TNKS: variants seen among roughly 807,000 people sequenced by gnomAD.
TNKS encodes tankyrase, also known as poly [ADP-ribose] polymerase tankyrase-1.
In TNKS, 72 loss-of-function variants were observed where a neutral mutation model predicts 135.8. The ratio of observed to expected loss-of-function variants is 0.53; its 90% CI spans 0.44 to 0.64. The LOEUF is 0.64. TNKS is among the 30% of genes least tolerant of loss of function. TNKS has a pLI of 0.00. For missense variants in TNKS, 1,769 were observed against 1,674.0 expected, an observed-to-expected ratio of 1.06 and a Z score of -0.99; for synonymous variants, 849 against 649.3, an observed-to-expected ratio of 1.31 and a Z score of -4.68.
intron 3 of TNKS, among the ~76,000 whole-genome samples, chr8:9,624,800 A>G (rs1799995888): frequency 6.6e-6 from 1 of 152,180 alleles, no homozygotes; most frequent in Admixed American, 6.5e-5. Flanking sequence ...CAGATGTTCA[A>G]ATCCCTTATA....
At position 9,731,036 on chromosome 8, in the gene TNKS, G is replaced by A; in HGVS notation, c.2147+1G>A. The A allele has an allele frequency of 6.2e-7, 1 of 1,603,914 alleles. No homozygotes were observed. Among genetic ancestry groups the A allele is most frequent in the Non-Finnish European group, 8.5e-7 (1 of 1,175,292 alleles). ...CCGATGTCCATGCCAAAGACAAGGG[G>A]TACGTGTTAGAAGTTAGCTGTTTGG... On this transcript the variant is annotated splice_donor_variant, in intron 14 of 26. Coordinates refer to ENST00000310430, the MANE Select transcript of TNKS (RefSeq NM_003747.3). LOFTEE classifies it high-confidence loss of function.
At chr8:9,728,063 A>C (rs1369285136) in intron 13 of TNKS, among the ~76,000 whole-genome samples, 1 of 152,220 alleles carries the variant, frequency 6.6e-6, no homozygotes, top group Non-Finnish European at 1.5e-5. Context: ...ATTAATACAT[A>C]CTTTATTTTT....
At chr8:9,696,887 T>G (rs1189795580) in intron 5 of TNKS, among the ~76,000 whole-genome samples, 1 of 152,316 alleles carries the variant, frequency 6.6e-6, no homozygotes, top group South Asian at 2.1e-4. Flanking sequence ...CAAAGCAGTT[T>G]ACAGGTTCAG....
chr8:9,574,208 G>A (rs1392793302), intron 1 of TNKS, among the ~76,000 whole-genome samples: 2 of 152,182 alleles, frequency 1.3e-5, no homozygotes, highest in Non-Finnish European at 2.9e-5. Flanking sequence ...GGGAAAGAAT[G>A]TGCTGAAATT....
intron 3 of TNKS, among the ~76,000 whole-genome samples, chr8:9,662,154 A>G (rs1240945145): frequency 6.6e-6 from 1 of 152,222 alleles, no homozygotes; most frequent in East Asian, 1.9e-4. Flanking sequence ...GTGGGACTGT[A>G]AACTAGTTCA....
At chr8:9,576,869 G>A (rs6988005) in intron 1 of TNKS, among the ~76,000 whole-genome samples, 152,225 of 152,252 alleles carry the variant, frequency 1, 76,099 homozygotes, top group Non-Finnish European at 1. Flanking sequence ...AATATGAAAT[G>A]CATAATATAC....
At chr8:9,744,680 G>C (rs1250906720) in intron 17 of TNKS, among the ~76,000 whole-genome samples, 1 of 152,174 alleles carries the variant, frequency 6.6e-6, no homozygotes, top group East Asian at 1.9e-4. Context: ...GAATAGAACT[G>C]AACTGCTATT....
intron 1 of TNKS, 84 bp from the exon 2 acceptor site, chr8:9,580,075 C>G (rs1798110201): frequency 3.4e-6 from 4 of 1,170,442 alleles, no homozygotes; most frequent in African/African-American, 3.0e-5. Context: ...GTTGTTCATA[C>G]TTGTTGATAT....
At chr8:9,683,160 G>A (rs1009705313) in intron 5 of TNKS, among the ~76,000 whole-genome samples, 2 of 151,936 alleles carry the variant, frequency 1.3e-5, no homozygotes, top group Admixed American at 6.6e-5. Flanking sequence ...CTTATTAAAT[G>A]TACCAGTTGC....
At chr8:9,606,490 T>A (rs544150415) in intron 2 of TNKS, among the ~76,000 whole-genome samples, 64 of 152,250 alleles carry the variant, frequency 4.2e-4, no homozygotes, top group African/African-American at 1.4e-3. Context: ...AATCTTGAAA[T>A]TAGGTAGTGT....
In TNKS at chr8:9,572,051, G is replaced by A. The variant is rs189548117; in HGVS notation, c.674-8108G>A. On this transcript the variant is annotated intron_variant, in intron 1 of 26. Coordinates refer to ENST00000310430, the MANE Select transcript of TNKS (RefSeq NM_003747.3). ...TAGGGTGATTATTAGTCAGTGTTAAGTCTTGAGACAGGATAGATTTGTACT... is the reference window on the plus strand; with the variant it reads ...TAGGGTGATTATTAGTCAGTGTTAAATCTTGAGACAGGATAGATTTGTACT... Among the ~76,000 whole-genome samples, 282 of 152,250 alleles carry A rather than the reference G, an allele frequency of 1.9e-3. 1 individual carries two copies. The highest frequency in any genetic ancestry group is 1.4e-3 in the Non-Finnish European group (98 of 68,018).
intron 2 of TNKS, among the ~76,000 whole-genome samples, chr8:9,607,571 A>G (rs894125998): frequency 6.6e-6 from 1 of 152,224 alleles, no homozygotes; most frequent in African/African-American, 2.4e-5. Context: ...CTTGCAAAGC[A>G]TCTTTGCCTA....
chr8:9,594,095 CG>C (rs1798685443), intron 2 of TNKS, among the ~76,000 whole-genome samples: 2 of 152,074 alleles, frequency 1.3e-5, no homozygotes, highest in South Asian at 2.1e-4. Context: ...CCATTTTGGC[CG>C]GGCTGGTCTC....
intron 6 of TNKS, among the ~76,000 whole-genome samples, chr8:9,705,871 C>A (rs1804016385): frequency 6.6e-6 from 1 of 152,150 alleles, no homozygotes; most frequent in Admixed American, 6.5e-5. Context: ...AGTTCACTAC[C>A]AATTAACATT....
intron 1 of TNKS, among the ~76,000 whole-genome samples, chr8:9,578,997 A>G (rs1034599597): frequency 3.9e-5 from 6 of 152,154 alleles, no homozygotes; most frequent in Non-Finnish European, 8.8e-5. Flanking sequence ...TCCTCATGGT[A>G]CTGGACTTTG....
chr8:9,589,895 C>T (rs1039801857), intron 2 of TNKS, among the ~76,000 whole-genome samples: 4 of 152,230 alleles, frequency 2.6e-5, no homozygotes, highest in African/African-American at 9.6e-5. Flanking sequence ...TCCACAAACT[C>T]TTCTGAATTA....
At chr8:9,669,424 C>CAAA (rs536063027) in intron 3 of TNKS, among the ~76,000 whole-genome samples, 5 of 94,882 alleles carry the variant, frequency 5.3e-5, no homozygotes, top group African/African-American at 8.2e-5. Flanking sequence ...GACTCCGCCT[C>CAAA]AAAAAAAAAA....
In TNKS at chr8:9,574,895, CCTT is replaced by C. The variant is rs1797885933; in HGVS notation, c.674-5260_674-5258del. The C allele has an allele frequency of 2.0e-5, 6 of 301,962 alleles. No homozygotes were observed. In the South Asian group the frequency reaches 5.2e-4, roughly 26 times the overall value. 18.7% of individuals were successfully genotyped at this position (301,962 alleles called of 1,614,324 possible). On this transcript the variant is annotated intron_variant, in intron 1 of 26. Coordinates refer to ENST00000310430, the MANE Select transcript of TNKS (RefSeq NM_003747.3). ...CCCGCGCCCCCCTTTACTCACTCTC[CCTT>C]CTTGTCTGAGAACCTAGATATGAGG...
intron 25 of TNKS, among the ~76,000 whole-genome samples, chr8:9,767,634 C>G (rs1807538310): frequency 6.6e-6 from 1 of 152,106 alleles, no homozygotes; most frequent in African/African-American, 2.4e-5. Context: ...AAGGAAACTT[C>G]CTTCCATTAA....
Sources: allele counts gnomAD v4.1 joint callset (sites outside exome capture counted in the v4.1 genomes callset), GRCh38; gene constraint gnomAD v4.1.1; transcripts MANE v1.5; gene names NCBI Gene and HGNC (gene_info 2026-07-23, HGNC 2026-07-21).